SOX6: variants seen among roughly 807,000 people sequenced by gnomAD.
SOX6 encodes the protein SRY-box transcription factor 6, also known as transcription factor SOX-6.
A neutral mutation model predicts 97.8 loss-of-function variants in SOX6; 11 were observed. The ratio of observed to expected loss-of-function variants is 0.11; its 90% confidence interval spans 0.07 to 0.19. The LOEUF is 0.19. Among genes scored for constraint, SOX6 ranks in the 10% least tolerant of loss-of-function variants. The pLI, the probability that SOX6 is intolerant of heterozygous loss-of-function variation, is 1.00. For missense variants in SOX6, 810 were observed against 1,039.5 expected (o/e 0.78, Z 3.04); for synonymous variants, 360 against 371.4 (o/e 0.97, Z 0.35).
rs183626192 is a variant in SOX6 at position 16,538,720 on chromosome 11, G to C, written n.610-62332C>G. ...CTTTAAACCAACAAAGATCAAAAGA[G>C]ACAAAGAAGACCATTACATAATGGT... On this transcript the variant is annotated intron_variant and non_coding_transcript_variant, in intron 4 of 5. Transcript: ENST00000524520. 4.2e-3 allele frequency among the ~76,000 whole-genome samples: 633 copies of C among 152,218 alleles called. 4 individuals carry two copies. The highest frequency in any genetic ancestry group is 0.015 in the African/African-American group (607 of 41,538).
At chr11:16,591,717 G>A (rs906534940) in intron 4 of SOX6, among the ~76,000 whole-genome samples, 1 of 152,028 alleles carries the variant, frequency 6.6e-6, no homozygotes, top group Non-Finnish European at 1.5e-5. Flanking sequence ...CTATACCTTT[G>A]ACCTCATTGG....
At chr11:16,552,199 G>C (rs1400411447) in intron 4 of SOX6, among the ~76,000 whole-genome samples, 8 of 151,798 alleles carry the variant, frequency 5.3e-5, no homozygotes. Flanking sequence ...AAATCATAAA[G>C]TAAAACACAG....
intron 6 of SOX6, among the ~76,000 whole-genome samples, chr11:16,137,438 A>T (rs1237178959): frequency 6.6e-6 from 1 of 152,146 alleles, no homozygotes. Context: ...ATAAATAAAT[A>T]AAATAAAATA....
intron 9 of SOX6, among the ~76,000 whole-genome samples, chr11:16,068,299 A>C (rs1848141399): frequency 6.6e-6 from 1 of 152,336 alleles, no homozygotes; most frequent in Non-Finnish European, 1.5e-5. Context: ...AAGCTGTGAG[A>C]AAGTGGAAAT....
chr11:16,195,111 G>A (rs1201426785), intron 4 of SOX6, among the ~76,000 whole-genome samples: 2 of 152,174 alleles, frequency 1.3e-5, no homozygotes, highest in African/African-American at 2.4e-5. Flanking sequence ...CTCCATGAGC[G>A]TTAGGAGAGG....
intron 3 of SOX6, among the ~76,000 whole-genome samples, chr11:16,663,988 T>G (rs1847786184): frequency 6.6e-6 from 1 of 152,098 alleles, no homozygotes. Flanking sequence ...AATAGAAGAC[T>G]CCACTGGCCA....
chr11:16,642,622 CT>C (rs1210782826), intron 3 of SOX6, among the ~76,000 whole-genome samples: 1 of 152,124 alleles, frequency 6.6e-6, no homozygotes, highest in African/African-American at 2.4e-5. Flanking sequence ...TCTTTTTAGT[CT>C]TTTTTCTCTA....
intron 15 of SOX6, among the ~76,000 whole-genome samples, chr11:15,985,563 T>C (rs988820888): frequency 6.6e-6 from 1 of 152,192 alleles, no homozygotes; most frequent in African/African-American, 2.4e-5. Flanking sequence ...AGACAGCCAG[T>C]CAGCCAAGTT....
intron 6 of SOX6, among the ~76,000 whole-genome samples, chr11:16,166,043 C>CTGTAGTA: frequency 6.6e-6 from 1 of 152,060 alleles, no homozygotes; most frequent in South Asian, 2.1e-4. Context: ...AAATTATTCA[C>CTGTAGTA]TAATTTAGAG....
chr11:16,380,310 T>G (rs1380488367), intron 1 of SOX6, among the ~76,000 whole-genome samples: 2 of 152,042 alleles, frequency 1.3e-5, no homozygotes, highest in African/African-American at 4.8e-5. Context: ...ATCTTTCCTT[T>G]AAAAAATATG....
At chr11:16,655,934 A>C (rs1405289597) in intron 3 of SOX6, among the ~76,000 whole-genome samples, 1 of 151,840 alleles carries the variant, frequency 6.6e-6, no homozygotes, top group Non-Finnish European at 1.5e-5. Flanking sequence ...ACACCACTGC[A>C]CTCCAACTTG....
At chr11:16,688,138 A>C (rs1055047587) in intron 3 of SOX6, among the ~76,000 whole-genome samples, 2 of 151,710 alleles carry the variant, frequency 1.3e-5, no homozygotes, top group African/African-American at 4.8e-5. Flanking sequence ...ACACCTGGCT[A>C]ATTTTGTTTA....
intron 4 of SOX6, among the ~76,000 whole-genome samples, chr11:16,202,720 T>C (rs1851973171): frequency 6.6e-6 from 1 of 152,188 alleles, no homozygotes; most frequent in South Asian, 2.1e-4. Flanking sequence ...TAGTCAGTTC[T>C]AACTAGAAGT....
Position 16,014,948 on chromosome 11 carries a change from C to T in SOX6, c.1726G>A (p.Ala576Thr). Residue 576 changes from alanine (A) to threonine (T), a missense_variant, in exon 13 of 16, where the codon GCA becomes ACA. Ala to Thr is a moderately conservative substitution (Grantham distance 58, BLOSUM62 0). Around this residue, in one of 9 missense-constraint regions of SOX6, gnomAD observed 120 missense variants for 127.0 expected, o/e 0.94. Coordinates refer to ENST00000683767, the MANE Select transcript of SOX6 (RefSeq NM_001367873.1). ...GVIDLTRPED[A>T]EGSKAMNGSA... ...CTAGAGAAAAGCCACTCACCCTCTG[C>T]ATCTTCTGGCCGAGTAAGGTCGATG... is the stretch of plus-strand genomic sequence containing the variant. 1 of 1,612,714 alleles carries T rather than the reference C, an allele frequency of 6.2e-7. No homozygotes were observed. The highest frequency in any genetic ancestry group is 8.5e-7 in the Non-Finnish European group (1 of 1,179,102).
At chr11:16,236,454 T>C (rs1853025749) in intron 3 of SOX6, among the ~76,000 whole-genome samples, 1 of 152,042 alleles carries the variant, frequency 6.6e-6, no homozygotes, top group Non-Finnish European at 1.5e-5. Context: ...GATATAACGT[T>C]AGAGTATGGA....
intron 2 of SOX6, among the ~76,000 whole-genome samples, chr11:16,730,012 A>G (rs1205184308): frequency 7.2e-6 from 1 of 139,206 alleles, no homozygotes; most frequent in African/African-American, 2.7e-5. Context: ...ATGCAACAAG[A>G]AGAGCTAACT....
intron 6 of SOX6, among the ~76,000 whole-genome samples, chr11:16,148,013 CA>C (rs1403654366): frequency 1.6e-4 from 24 of 152,118 alleles, no homozygotes; most frequent in African/African-American, 5.8e-4. Flanking sequence ...ATACATACAC[CA>C]AATGCTAGTT....
chr11:16,632,732 A>G (rs1216854243), intron 3 of SOX6, among the ~76,000 whole-genome samples: 1 of 152,238 alleles, frequency 6.6e-6, no homozygotes, highest in Non-Finnish European at 1.5e-5. Flanking sequence ...TGGCACAGGA[A>G]TGGGGTGCAG....
chr11:16,292,376 G>A (rs1048127946), intron 3 of SOX6, among the ~76,000 whole-genome samples: 1 of 152,024 alleles, frequency 6.6e-6, no homozygotes, highest in Non-Finnish European at 1.5e-5. Flanking sequence ...CGCTTTGGAA[G>A]GCTTATCTAC....
Sources: gnomAD v4.1 joint callset for allele counts (sites outside exome capture counted in the v4.1 genomes callset) on GRCh38, gnomAD v4.1.1 for gene constraint, gnomAD v4.1.1 regional missense constraint, MANE v1.5 for transcripts, NCBI Gene and HGNC (gene_info 2026-07-23, HGNC 2026-07-21) for gene names.